RABGAP1L: variants seen among roughly 807,000 people sequenced by gnomAD.
RABGAP1L encodes rab GTPase-activating protein 1-like.
RABGAP1L carries 63 observed loss-of-function variants against 137.7 expected under a neutral mutation model. That is an observed-to-expected ratio of 0.46 (90% confidence interval 0.37 to 0.56). RABGAP1L has a LOEUF of 0.56. RABGAP1L is among the 20% of genes least tolerant of loss of function. The pLI is 0.00. For missense variants in RABGAP1L, 1,095 were observed against 1,244.0 expected (o/e 0.88, Z 1.80); for synonymous variants, 431 against 433.7 (o/e 0.99, Z 0.08).
At chr1:174,372,410 G>A (rs1187654873) in intron 12 of RABGAP1L, among the ~76,000 whole-genome samples, 3 of 151,960 alleles carry the variant, frequency 2.0e-5, no homozygotes, top group Non-Finnish European at 2.9e-5. Flanking sequence ...TTTTTTCGGC[G>A]GGGGGATGTT....
rs999402332 is a variant in RABGAP1L, at chr1:174,276,082, T to C, written c.1156+147T>C. On this transcript the variant is annotated intron_variant, in intron 9 of 25. Coordinates refer to ENST00000681986, the MANE Select transcript of RABGAP1L (RefSeq NM_001366446.1). Reference sequence around the variant, plus strand: ...TGAGGTTCATTTTTATTCTTTATGCTTCTATGGGGGAAATCTCCACTATTT... The same window carrying C: ...TGAGGTTCATTTTTATTCTTTATGCCTCTATGGGGGAAATCTCCACTATTT... 5.3e-6 allele frequency: 3 copies of C among 566,538 alleles called. No individual in the cohort carries two copies. The African/African-American group carries it at 5.7e-5, about 11-fold the overall frequency. 35.1% of individuals were successfully genotyped at this position (566,538 alleles called of 1,614,324 possible). A position where few individuals can be genotyped will look rare whatever the true frequency, so the allele number is the denominator to read the frequency against.
intron 13 of RABGAP1L, among the ~76,000 whole-genome samples, chr1:174,482,755 G>A (rs1659238865): frequency 6.6e-6 from 1 of 152,114 alleles, no homozygotes; most frequent in African/African-American, 2.4e-5. Context: ...AGGATTACAG[G>A]GGTGAGCCAC....
intron 13 of RABGAP1L, among the ~76,000 whole-genome samples, chr1:174,502,730 A>G (rs923520451): frequency 6.6e-6 from 1 of 151,108 alleles, no homozygotes; most frequent in Non-Finnish European, 1.5e-5. Flanking sequence ...ACACACACAC[A>G]TATATATATT....
At chr1:174,883,203 C>G (rs1048257524) in intron 19 of RABGAP1L, among the ~76,000 whole-genome samples, 1 of 152,224 alleles carries the variant, frequency 6.6e-6, no homozygotes, top group Non-Finnish European at 1.5e-5. Flanking sequence ...AGTAACTTCT[C>G]TAAGCCTTGG....
chr1:174,465,768 G>A (rs1482280430), intron 13 of RABGAP1L, among the ~76,000 whole-genome samples: 12 of 152,154 alleles, frequency 7.9e-5, no homozygotes, highest in African/African-American at 1.7e-4. Flanking sequence ...CATCATTTTG[G>A]TTGCCTTCCA....
intron 10 of RABGAP1L, among the ~76,000 whole-genome samples, chr1:174,301,258 G>A (rs1677675952): frequency 6.6e-6 from 1 of 151,814 alleles, no homozygotes; most frequent in Non-Finnish European, 1.5e-5. Flanking sequence ...TGTCCAGATA[G>A]AGGACACAGC....
intron 10 of RABGAP1L, among the ~76,000 whole-genome samples, chr1:174,284,095 G>A (rs576241127): frequency 4.9e-4 from 74 of 152,250 alleles, no homozygotes; most frequent in African/African-American, 1.7e-3. Flanking sequence ...GTCACCTCAC[G>A]TAAGTTACCT....
intron 13 of RABGAP1L, among the ~76,000 whole-genome samples, chr1:174,575,771 A>G (rs553588019): frequency 1.3e-5 from 2 of 152,330 alleles, no homozygotes; most frequent in East Asian, 1.9e-4. Context: ...TTTCCCAGGC[A>G]GATCGGCAGG....
intron 1 of RABGAP1L, among the ~76,000 whole-genome samples, chr1:174,216,557 T>TC (rs1024575667): frequency 2.0e-5 from 3 of 149,104 alleles, no homozygotes; most frequent in Non-Finnish European, 4.5e-5. Flanking sequence ...TCTCTCCCCC[T>TC]CCCCTTTTTT....
Position 174,794,244 on chromosome 1 carries a change from C to T in RABGAP1L, c.2212-17588C>T, listed in dbSNP as rs78410837. 3.7e-3 allele frequency among the ~76,000 whole-genome samples: 569 copies of T among 152,300 alleles called. 3 individuals are homozygous for T. The highest frequency in any genetic ancestry group is 0.013 in the African/African-American group (544 of 41,580). ...TTGCTACTTATTGATGTGTCTGTGT[C>T]TTAGTGAACCGAAGAGGCAGGTGAT... is the stretch of plus-strand genomic sequence containing the variant. On this transcript the variant is annotated intron_variant, in intron 18 of 25. Transcript: ENST00000681986.
intron 13 of RABGAP1L, among the ~76,000 whole-genome samples, chr1:174,595,984 C>T (rs1240477216): frequency 2.0e-5 from 2 of 102,506 alleles, no homozygotes; most frequent in Admixed American, 9.4e-5. Context: ...TGATCTCAGA[C>T]TGCTGTGCTA....
intron 14 of RABGAP1L, among the ~76,000 whole-genome samples, chr1:174,663,317 C>T (rs1457489274): frequency 6.6e-6 from 1 of 152,212 alleles, no homozygotes; most frequent in Non-Finnish European, 1.5e-5. Flanking sequence ...TTGTATAAAA[C>T]TATAGCACAT....
intron 15 of RABGAP1L, among the ~76,000 whole-genome samples, chr1:174,685,953 G>A (rs1018879834): frequency 2.0e-5 from 3 of 152,206 alleles, no homozygotes; most frequent in African/African-American, 7.2e-5. Flanking sequence ...GCATACTGGA[G>A]ATTAATGCTG....
At chr1:174,560,058 C>T (rs758608403) in intron 13 of RABGAP1L, among the ~76,000 whole-genome samples, 5 of 151,478 alleles carry the variant, frequency 3.3e-5, no homozygotes, top group South Asian at 2.1e-4. Context: ...TGCTTCAGCC[C>T]GGGAGGCAGA....
At chr1:174,927,778 A>T (rs956024147) in intron 19 of RABGAP1L, among the ~76,000 whole-genome samples, 1 of 152,148 alleles carries the variant, frequency 6.6e-6, no homozygotes, top group Non-Finnish European at 1.5e-5. Flanking sequence ...AAAAATCTGA[A>T]ATGTAAATTT....
intron 19 of RABGAP1L, among the ~76,000 whole-genome samples, chr1:174,841,860 C>T (rs1693445754): frequency 1.4e-5 from 2 of 144,664 alleles, no homozygotes; most frequent in Admixed American, 1.4e-4. Flanking sequence ...GAATAACTTT[C>T]TTTTTTTTTT....
chr1:174,520,659 G>A (rs1047521381), intron 13 of RABGAP1L, among the ~76,000 whole-genome samples: 1 of 152,034 alleles, frequency 6.6e-6, no homozygotes, highest in East Asian at 1.9e-4. Context: ...AATTAAAATG[G>A]CGTGTGAATA....
At chr1:174,362,039 G>A (rs1278722036) in intron 11 of RABGAP1L, among the ~76,000 whole-genome samples, 1 of 152,110 alleles carries the variant, frequency 6.6e-6, no homozygotes, top group Non-Finnish European at 1.5e-5. Context: ...GCACTATTCA[G>A]TTTTCTGTTC....
intron 13 of RABGAP1L, among the ~76,000 whole-genome samples, chr1:174,419,139 T>C (rs543210811): frequency 6.6e-6 from 1 of 152,360 alleles, no homozygotes; most frequent in South Asian, 2.1e-4. Flanking sequence ...TTTTTGATAA[T>C]CTATTCTTGG....
Sources: gnomAD v4.1 joint callset for allele counts (sites outside exome capture counted in the v4.1 genomes callset) on GRCh38, gnomAD v4.1.1 for gene constraint, MANE v1.5 for transcripts, NCBI Gene and HGNC (gene_info 2026-07-23, HGNC 2026-07-21) for gene names.